AXIN1: variants seen among roughly 807,000 people sequenced by gnomAD.
AXIN1 encodes the protein axin-1.
In AXIN1, 30 loss-of-function variants were observed where a neutral mutation model predicts 76.4. That is an observed-to-expected ratio of 0.39 (90% confidence interval 0.29 to 0.53). AXIN1 has a LOEUF of 0.53. Among genes scored for constraint, AXIN1 ranks in the 20% least tolerant of loss-of-function variants. AXIN1 has a pLI of 0.66. For synonymous variants in AXIN1, 545 were observed against 501.4 expected (o/e 1.09, Z -1.16); for missense variants, 1,140 against 1,198.8 (o/e 0.95, Z 0.72).
At chr16:298,665 G>A (rs909498212) in intron 5 of AXIN1, among the ~76,000 whole-genome samples, 5 of 151,612 alleles carry the variant, frequency 3.3e-5, no homozygotes, top group South Asian at 4.2e-4. Context: ...GTGCCACCAC[G>A]CCCAGCTAAT....
chr16:341,271 G>A (rs8058381), intron 2 of AXIN1, among the ~76,000 whole-genome samples: 1 of 152,258 alleles, frequency 6.6e-6, no homozygotes. Flanking sequence ...TGGAGGGAGA[G>A]GCGCGAGCGG....
intron 2 of AXIN1, among the ~76,000 whole-genome samples, chr16:332,465 T>TA (rs1263074595): frequency 1.3e-5 from 2 of 151,118 alleles, no homozygotes; most frequent in Admixed American, 6.6e-5. Context: ...TAGTCCCAGC[T>TA]CTAGGGAGGC....
At chr16:314,468 C>T (rs2141591534) in intron 3 of AXIN1, 75 bp downstream of exon 3, 2 of 1,598,462 alleles carry the variant, frequency 1.3e-6, no homozygotes, top group South Asian at 2.2e-5. Flanking sequence ...TTGCTGTCCT[C>T]AAGGGACAAG....
chr16:341,391 G>C (rs552106405), intron 2 of AXIN1, among the ~76,000 whole-genome samples: 1 of 152,384 alleles, frequency 6.6e-6, no homozygotes, highest in African/African-American at 2.4e-5. Context: ...CGGGCAATGA[G>C]GGGCTTAGCA....
chr16:347,781 G>C (rs546507746), intron 1 of AXIN1, among the ~76,000 whole-genome samples: 1 of 152,124 alleles, frequency 6.6e-6, no homozygotes, highest in South Asian at 2.1e-4. Context: ...CCCATCGACC[G>C]AGGGATCAAG....
chr16:327,416 C>G (rs544355439), intron 2 of AXIN1, among the ~76,000 whole-genome samples: 2 of 152,376 alleles, frequency 1.3e-5, no homozygotes, highest in African/African-American at 4.8e-5. Flanking sequence ...GCTTCCGGCT[C>G]AGCCCTGCGG....
intron 2 of AXIN1, among the ~76,000 whole-genome samples, chr16:336,816 C>CAAAAAAAAAAAAA (rs57147459): frequency 1.3e-4 from 10 of 77,070 alleles, no homozygotes; most frequent in Non-Finnish European, 1.7e-4. Flanking sequence ...GACTCCGCCT[C>CAAAAAAAAAAAAA]AAAAAAAAAA....
chr16:293,821 G>T lies in AXIN1; in HGVS notation c.1956-103C>A, dbSNP rs529441314. 6.0e-6 allele frequency: 7 copies of T among 1,157,294 alleles called. No individual in the cohort carries two copies. In the East Asian group the frequency reaches 1.2e-4, roughly 19 times the overall value. The allele number at this position is 1,157,294 out of a possible 1,614,324, so 71.7% of individuals were successfully genotyped here. A position where few individuals can be genotyped will look rare whatever the true frequency, so the allele number is the denominator to read the frequency against. Reference sequence around the variant, plus strand: ...CAAGGGCAGCCTCCTTGAGGGATAGGATGGGATGGGGCACTGGGGCCTGGC... The same window carrying T: ...CAAGGGCAGCCTCCTTGAGGGATAGTATGGGATGGGGCACTGGGGCCTGGC... On this transcript the variant is annotated intron_variant, in intron 7 of 10. Transcript: ENST00000262320. This position sits in a 1 kb window ranked among gnomAD's most constrained non-coding sequence, Gnocchi z 4.6.
intron 8 of AXIN1, 23 bp from the exon 9 acceptor site, chr16:291,320 G>A: frequency 2.6e-6 from 4 of 1,553,150 alleles, no homozygotes; most frequent in Non-Finnish European, 3.5e-6. Flanking sequence ...CCGCGTCAAA[G>A]GTGGCTGTGC....
intron 2 of AXIN1, among the ~76,000 whole-genome samples, chr16:329,521 A>T (rs190019103): frequency 1.7e-3 from 258 of 151,798 alleles, no homozygotes; most frequent in African/African-American, 5.2e-3. Flanking sequence ...TCTTGGCTCA[A>T]TGCATCCTCC....
rs1456227143 is a variant in AXIN1 at position 314,458 on chromosome 16, T to A, written c.1019+85A>T. 2.5e-6 allele frequency: 4 copies of A among 1,586,300 alleles called. No homozygotes were observed. In the African/African-American group the frequency reaches 5.4e-5, roughly 21 times the overall value. ...GGGTGTCTGGGGCAGGACTTACACA[T>A]TGCTGTCCTCAAGGGACAAGGTGTC... On this transcript the variant is annotated intron_variant, in intron 3 of 10. Coordinates refer to ENST00000262320, the MANE Select transcript of AXIN1 (RefSeq NM_003502.4).
chr16:317,826 C>G (rs1484136406), intron 2 of AXIN1, among the ~76,000 whole-genome samples: 1 of 152,224 alleles, frequency 6.6e-6, no homozygotes, highest in African/African-American at 2.4e-5. Flanking sequence ...ACAACCACTG[C>G]AGCCAACCTC....
rs772779564 is a variant in AXIN1, at chr16:289,535, G to A, written c.2367C>T (p.Phe789=). The change falls in exon 10 of 11, where the codon TTC becomes TTT. Residue 789 remains phenylalanine (F), a synonymous_variant. Coordinates refer to ENST00000262320, the MANE Select transcript of AXIN1 (RefSeq NM_003502.4). ...PCDSIVVAYY[F]CGEPIPYRTL... ...TGCGGTAGGGGATGGGTTCCCCGCA[G>A]AAGTAGTACGCCACAACGATGCTGT... 4 of 1,613,002 alleles carry A rather than the reference G, an allele frequency of 2.5e-6. No individual in the cohort carries two copies. The highest frequency in any genetic ancestry group is 8.5e-7 in the Non-Finnish European group (1 of 1,180,010).
chr16:310,725 G>C (rs2053155947), intron 3 of AXIN1, among the ~76,000 whole-genome samples: 1 of 152,194 alleles, frequency 6.6e-6, no homozygotes, highest in East Asian at 1.9e-4. Flanking sequence ...TTTAAAGGGT[G>C]GGGGAAGAAT....
chr16:341,156 A>C (rs984376151), intron 2 of AXIN1, among the ~76,000 whole-genome samples: 1 of 152,218 alleles, frequency 6.6e-6, no homozygotes, highest in South Asian at 2.1e-4. Context: ...CTGGGCTCTC[A>C]CTTTGGTGGC....
chr16:330,675 C>T (rs957027639), intron 2 of AXIN1, among the ~76,000 whole-genome samples: 7 of 152,166 alleles, frequency 4.6e-5, no homozygotes, highest in Non-Finnish European at 4.4e-5. Context: ...TCACAAGGAT[C>T]TGATGAGAAA....
At chr16:297,028 C>A (rs777707357) in intron 7 of AXIN1, 28 bp downstream of exon 7, 2 of 1,606,556 alleles carry the variant, frequency 1.2e-6, no homozygotes, top group Non-Finnish European at 8.5e-7. Flanking sequence ...GCAGGCCCCA[C>A]GAGGCTGGCT....
intron 1 of AXIN1, among the ~76,000 whole-genome samples, chr16:352,162 G>A (rs1043579229): frequency 2.0e-5 from 3 of 151,722 alleles, no homozygotes; most frequent in Non-Finnish European, 4.4e-5. Flanking sequence ...CAGCTGCTCC[G>A]TGCCCCGAGA....
chr16:319,241 G>C (rs535206894), intron 2 of AXIN1, among the ~76,000 whole-genome samples: 1 of 152,270 alleles, frequency 6.6e-6, no homozygotes, highest in South Asian at 2.1e-4. Context: ...GGGAGGGTAA[G>C]GCAGGAGACT....
Sources: gnomAD v4.1 joint callset for allele counts (sites outside exome capture counted in the v4.1 genomes callset) on GRCh38, gnomAD v4.1.1 for gene constraint, Gnocchi (gnomAD v3.1) non-coding constraint, MANE v1.5 for transcripts, NCBI Gene and HGNC (gene_info 2026-07-23, HGNC 2026-07-21) for gene names.